Variants in ATP2B2 observed in about 807,000 individuals in gnomAD.
The protein encoded by ATP2B2 is ATPase plasma membrane Ca2+ transporting 2.
In ATP2B2, 15 loss-of-function variants were observed where a neutral mutation model predicts 120.0. The ratio of observed to expected loss-of-function variants is 0.12; its 90% CI spans 0.08 to 0.19. The LOEUF is 0.19. ATP2B2 is among the 10% of genes least tolerant of loss of function. The pLI, the probability that ATP2B2 is intolerant of heterozygous loss-of-function variation, is 1.00. For synonymous variants in ATP2B2, 694 were observed against 700.3 expected (o/e 0.99, Z 0.14); for missense variants, 1,045 against 1,719.8 (o/e 0.61, Z 6.94).
At chr3:10,528,774 C>T (rs1015003211) in intron 3 of ATP2B2, among the ~76,000 whole-genome samples, 2 of 152,240 alleles carry the variant, frequency 1.3e-5, no homozygotes, top group African/African-American at 4.8e-5. Context: ...TAGCGACTTC[C>T]TTCGCTTCCC....
intron 14 of ATP2B2, among the ~76,000 whole-genome samples, chr3:10,355,028 A>C (rs1020464947): frequency 1.3e-5 from 2 of 152,146 alleles, no homozygotes; most frequent in Non-Finnish European, 2.9e-5. Flanking sequence ...GATAGTGGTT[A>C]CCTCTGAGGT....
intron 1 of ATP2B2, among the ~76,000 whole-genome samples, chr3:10,474,692 A>C (rs1379918801): frequency 6.6e-6 from 1 of 152,242 alleles, no homozygotes; most frequent in Non-Finnish European, 1.5e-5. Flanking sequence ...CTCCTGCCAT[A>C]ATAAGCACCT....
intron 1 of ATP2B2, among the ~76,000 whole-genome samples, chr3:10,629,221 G>C (rs1391749065): frequency 6.6e-6 from 1 of 152,230 alleles, no homozygotes; most frequent in African/African-American, 2.4e-5. Context: ...GGACGAGCTT[G>C]AAGCAGGAAG....
At chr3:10,582,584 G>A (rs2068416538) in intron 2 of ATP2B2, among the ~76,000 whole-genome samples, 1 of 152,260 alleles carries the variant, frequency 6.6e-6, no homozygotes, top group Admixed American at 6.5e-5. Context: ...TGGGGCAGAA[G>A]GTCTGCAGTT....
rs1220319437 is a variant in ATP2B2 at position 10,359,952 on chromosome 3, T to A, written c.1831A>T (p.Thr611Ser). 1.2e-6 allele frequency: 2 copies of A among 1,614,252 alleles called. No homozygotes were observed. Among genetic ancestry groups the A allele is most frequent in the East Asian group, 4.5e-5 (2 of 44,888 alleles). ...TFNSVRKSMSTVIKLPDESFR... is the reference protein window; with the variant it reads ...TFNSVRKSMSSVIKLPDESFR... ...CTCTCGTCGGGCAGCTTGATGACAG[T>A]GCTCATGGACTTGCGCACGGAGTTG... Residue 611 changes from threonine (T) to serine (S), a missense_variant, in exon 13 of 23, where the codon ACT becomes TCT. By Grantham distance (58) the Thr-to-Ser change is moderately conservative. Coordinates refer to ENST00000360273, the MANE Select transcript of ATP2B2 (RefSeq NM_001001331.4).
At chr3:10,527,919 T>G (rs1034948666) in intron 3 of ATP2B2, among the ~76,000 whole-genome samples, 5 of 146,788 alleles carry the variant, frequency 3.4e-5, no homozygotes, top group African/African-American at 1.2e-4. Context: ...CCAGCAGGGC[T>G]GCCTCCCTTT....
At position 10,340,958 on chromosome 3, in the gene ATP2B2, C is replaced by T. The variant is rs558546405; in HGVS notation, c.2918-254G>A. On this transcript the variant is annotated intron_variant, in intron 19 of 22. Transcript: ENST00000360273. The surrounding 1 kb of genome is among the most constrained non-coding windows in gnomAD (Gnocchi z 5.0). Reference sequence around the variant, plus strand: ...GTCTTCCACTTTTTCTGTGGAAACCCGATAAAGGTGGACGGCCGGCTGTGT... The same window carrying T: ...GTCTTCCACTTTTTCTGTGGAAACCTGATAAAGGTGGACGGCCGGCTGTGT... Among the ~76,000 whole-genome samples the T allele has an allele frequency of 6.4e-4, 97 of 152,070 alleles. No homozygotes were observed. The highest frequency in any genetic ancestry group is 2.2e-3 in the African/African-American group (91 of 41,466).
intron 1 of ATP2B2, among the ~76,000 whole-genome samples, chr3:10,633,596 A>C (rs2069934918): frequency 6.6e-6 from 1 of 152,240 alleles, no homozygotes; most frequent in African/African-American, 2.4e-5. Flanking sequence ...TTAATGAAGG[A>C]AGGCCATGAT....
chr3:10,707,611 A>G (rs1025174856), intron 1 of ATP2B2, among the ~76,000 whole-genome samples: 2 of 152,086 alleles, frequency 1.3e-5, no homozygotes, highest in Admixed American at 6.5e-5. Context: ...CCGAGCCCGG[A>G]AAGTTTTCGC....
chr3:10,521,091 A>T (rs968143082), intron 3 of ATP2B2, among the ~76,000 whole-genome samples: 16 of 152,230 alleles, frequency 1.1e-4, no homozygotes, highest in Non-Finnish European at 2.4e-4. Context: ...GACATTGGAC[A>T]AGGTTTTGCC....
intron 2 of ATP2B2, among the ~76,000 whole-genome samples, chr3:10,548,382 G>A (rs185870747): frequency 6.6e-5 from 10 of 152,338 alleles, no homozygotes; most frequent in Admixed American, 5.2e-4. Flanking sequence ...GCCTGAGCAT[G>A]TTCTTTGGTG....
At chr3:10,468,540 T>TA (rs770810779) in intron 1 of ATP2B2, among the ~76,000 whole-genome samples, 1 of 152,244 alleles carries the variant, frequency 6.6e-6, no homozygotes, top group Non-Finnish European at 1.5e-5. Flanking sequence ...GTTATCTTGC[T>TA]ATAAATAATT....
chr3:10,400,848 G>T lies in ATP2B2; in HGVS notation c.781+105C>A. The stretch of plus-strand genomic sequence containing the variant: ...GGCTGAGCTGGCTGGAGATACCAGA[G>T]CCAAGGATCAAAGTCTCTGAGTCCC... On this transcript the variant is annotated intron_variant, in intron 5 of 22. Transcript: ENST00000360273. 7.7e-6 allele frequency: 12 copies of T among 1,555,404 alleles called. No individual in the cohort carries two copies. In the South Asian group the frequency reaches 1.4e-4, roughly 18 times the overall value.
chr3:10,690,476 C>CTATATATA (rs1553651006), intron 1 of ATP2B2, among the ~76,000 whole-genome samples: 2 of 150,454 alleles, frequency 1.3e-5, no homozygotes, highest in Middle Eastern at 3.5e-3. Context: ...ATCTATCTAT[C>CTATATATA]TATATATCTC....
At chr3:10,420,868 T>G (rs1051517091) in intron 2 of ATP2B2, among the ~76,000 whole-genome samples, 1 of 152,218 alleles carries the variant, frequency 6.6e-6, no homozygotes. Flanking sequence ...TTAAAAAATA[T>G]GAATGCCTAA....
chr3:10,516,829 G>T (rs568339517), intron 3 of ATP2B2, among the ~76,000 whole-genome samples: 62 of 152,336 alleles, frequency 4.1e-4, no homozygotes, highest in Non-Finnish European at 7.8e-4. Context: ...GGAGATGATG[G>T]AAGTGTCCAC....
intron 22 of ATP2B2, among the ~76,000 whole-genome samples, chr3:10,334,655 G>A (rs1559522258): frequency 6.6e-6 from 1 of 152,160 alleles, no homozygotes; most frequent in Non-Finnish European, 1.5e-5. Context: ...CTGTGCTGAC[G>A]AATGAGCACT....
intron 5 of ATP2B2, among the ~76,000 whole-genome samples, chr3:10,395,061 C>G (rs2061990827): frequency 6.6e-6 from 1 of 152,192 alleles, no homozygotes; most frequent in African/African-American, 2.4e-5. Flanking sequence ...TCAGTTTCCC[C>G]AGCTGCAAAT....
intron 1 of ATP2B2, among the ~76,000 whole-genome samples, chr3:10,667,465 A>T (rs984020225): frequency 1.3e-5 from 2 of 152,206 alleles, no homozygotes; most frequent in African/African-American, 4.8e-5. Flanking sequence ...CTGGGTGAGA[A>T]CGCATCCTTC....
Sources: gnomAD v4.1 joint callset for allele counts (sites outside exome capture counted in the v4.1 genomes callset) on GRCh38, gnomAD v4.1.1 for gene constraint, Gnocchi (gnomAD v3.1) non-coding constraint, MANE v1.5 for transcripts, NCBI Gene and HGNC (gene_info 2026-07-23, HGNC 2026-07-21) for gene names.